FGD6: variants seen among roughly 807,000 people sequenced by gnomAD.
FGD6 encodes the protein FYVE, RhoGEF and PH domain-containing protein 6.
FGD6 carries 90 observed loss-of-function variants against 149.4 expected under a neutral mutation model. The ratio of observed to expected loss-of-function variants is 0.60; its 90% CI spans 0.51 to 0.72. The LOEUF is 0.72. Among genes scored for constraint, FGD6 ranks in the 30% least tolerant of loss-of-function variants. FGD6 has a pLI of 0.00. For synonymous variants in FGD6, 527 were observed against 584.0 expected (o/e 0.90, Z 1.41); for missense variants, 1,437 against 1,684.8 (o/e 0.85, Z 2.57).
intron 8 of FGD6, among the ~76,000 whole-genome samples, chr12:95,132,689 T>C (rs1014969452): frequency 1.3e-5 from 2 of 151,976 alleles, no homozygotes; most frequent in Non-Finnish European, 2.9e-5. Flanking sequence ...GAGGCGGAGT[T>C]TGCAGTGAGC....
rs762397539 is a variant in FGD6, at chr12:95,211,275, G to A, written c.17-8C>T. 1.3e-5 allele frequency: 20 copies of A among 1,532,064 alleles called. No individual in the cohort carries two copies. The highest frequency in any genetic ancestry group is 4.5e-5 in the Admixed American group (2 of 44,344). 94.9% of individuals were successfully genotyped at this position (1,532,064 alleles called of 1,614,324 possible). A position where few individuals can be genotyped will look rare whatever the true frequency, so the allele number is the denominator to read the frequency against. ...CTGGTGGCTTCTTTATCTCTAGAAA[G>A]GAAAAAATAATAATTTGATGTCAAA... On this transcript the variant is annotated splice_polypyrimidine_tract_variant and splice_region_variant and intron_variant, in intron 1 of 20. Transcript: ENST00000343958.
chr12:95,082,468 G>A (rs1877708600), intron 20 of FGD6, among the ~76,000 whole-genome samples: 1 of 151,838 alleles, frequency 6.6e-6, no homozygotes, highest in Admixed American at 6.6e-5. Context: ...GACCAGCCTG[G>A]CCAATATGGT....
intron 3 of FGD6, among the ~76,000 whole-genome samples, chr12:95,158,552 G>A (rs1880546371): frequency 6.6e-6 from 1 of 151,694 alleles, no homozygotes; most frequent in Non-Finnish European, 1.5e-5. Context: ...CACATATCAG[G>A]CACTAAATAA....
At chr12:95,142,522 C>G (rs1416277605) in intron 5 of FGD6, among the ~76,000 whole-genome samples, 1 of 152,184 alleles carries the variant, frequency 6.6e-6, no homozygotes, top group Non-Finnish European at 1.5e-5. Context: ...AAGAAATCCT[C>G]CCACTAGGGC....
rs371612170 is a variant in FGD6 at position 95,092,248 on chromosome 12, A to T, written c.3748-439T>A. Among the ~76,000 whole-genome samples the T allele has an allele frequency of 1.4e-4, 21 of 152,256 alleles. No homozygotes were observed. In the East Asian group the frequency reaches 1.5e-3, roughly 11 times the overall value. On this transcript the variant is annotated intron_variant, in intron 16 of 20. Coordinates refer to ENST00000343958, the MANE Select transcript of FGD6 (RefSeq NM_018351.4). Reference sequence around the variant, plus strand: ...AAATACAACCTCATTTAATTTTTAGAGTGACTCTCTGATGTCACTGTTTCT... The same window carrying T: ...AAATACAACCTCATTTAATTTTTAGTGTGACTCTCTGATGTCACTGTTTCT...
At chr12:95,141,680 C>A in intron 5 of FGD6, 141 bp from the exon 6 acceptor site, 1 of 899,384 alleles carries the variant, frequency 1.1e-6, no homozygotes, top group Non-Finnish European at 1.6e-6. Context: ...CTAAAGTACC[C>A]CCTTCCTCCT....
chr12:95,104,249 C>CA (rs1796799878), intron 14 of FGD6, among the ~76,000 whole-genome samples: 1 of 151,958 alleles, frequency 6.6e-6, no homozygotes, highest in Non-Finnish European at 1.5e-5. Flanking sequence ...AACCTAAGTG[C>CA]AAAAAGTGTT....
At chr12:95,106,893 C>CAACA in intron 13 of FGD6, 61 bp downstream of exon 13, 1 of 1,025,920 alleles carries the variant, frequency 9.7e-7, no homozygotes, top group Non-Finnish European at 1.4e-6. Context: ...GACCCCGTCT[C>CAACA]AAACAAAACA....
intron 8 of FGD6, among the ~76,000 whole-genome samples, chr12:95,130,447 G>C (rs996735858): frequency 6.6e-6 from 1 of 152,052 alleles, no homozygotes; most frequent in Non-Finnish European, 1.5e-5. Context: ...TGTGCATTTG[G>C]AATCAATCCA....
chr12:95,150,104 C>T (rs145971672), intron 5 of FGD6, among the ~76,000 whole-genome samples: 193 of 150,988 alleles, frequency 1.3e-3, no homozygotes, highest in African/African-American at 4.2e-3. Flanking sequence ...CTCGACTCAC[C>T]GCAACCTCTG....
At chr12:95,201,998 AC>A (rs1013589727) in intron 2 of FGD6, among the ~76,000 whole-genome samples, 2 of 130,686 alleles carry the variant, frequency 1.5e-5, no homozygotes, top group Non-Finnish European at 3.2e-5. Flanking sequence ...ACACACACAC[AC>A]ATCTTCTTCT....
At chr12:95,145,141 C>T (rs1475776359) in intron 5 of FGD6, among the ~76,000 whole-genome samples, 1 of 151,868 alleles carries the variant, frequency 6.6e-6, no homozygotes, top group Non-Finnish European at 1.5e-5. Context: ...GTGTGTGCCA[C>T]CACATTTGGC....
At chr12:95,171,781 C>T (rs752807141) in intron 3 of FGD6, among the ~76,000 whole-genome samples, 17 of 152,092 alleles carry the variant, frequency 1.1e-4, no homozygotes, top group Non-Finnish European at 1.8e-4. Flanking sequence ...TCCCAAAGTG[C>T]TGGGATTATA....
In FGD6 at chr12:95,210,508, T is replaced by C. The variant is rs2056720352; in HGVS notation, c.776A>G (p.Asp259Gly). Reference sequence around the variant, plus strand: ...AAAGCAATTATTGCTTTTTTCACTGTCATCCTGGCAAGTTTCAAAATGTTC... The same window carrying C: ...AAAGCAATTATTGCTTTTTTCACTGCCATCCTGGCAAGTTTCAAAATGTTC... Reference protein sequence around the residue: ...ECEHFETCQDDSEKSNNCFQS... With the variant: ...ECEHFETCQDGSEKSNNCFQS... The change falls in exon 2 of 21, where the codon GAC becomes GGC. Residue 259 changes from aspartate to glycine, a missense_variant. Around this residue, in one of 2 missense-constraint regions of FGD6, gnomAD observed 1,055 missense variants for 1,146.0 expected, o/e 0.92. Coordinates refer to ENST00000343958, the MANE Select transcript of FGD6 (RefSeq NM_018351.4). The C allele has an allele frequency of 1.2e-6, 2 of 1,613,904 alleles. No individual in the cohort carries two copies. Among genetic ancestry groups the C allele is most frequent in the African/African-American group, 2.7e-5 (2 of 74,924 alleles).
At chr12:95,127,149 T>G (rs755701966) in intron 8 of FGD6, among the ~76,000 whole-genome samples, 9 of 152,114 alleles carry the variant, frequency 5.9e-5, no homozygotes, top group Non-Finnish European at 1.3e-4. Context: ...AAGTTCTGCC[T>G]TAGAGAAAGT....
chr12:95,115,609 T>C (rs957345923), intron 8 of FGD6, among the ~76,000 whole-genome samples: 2 of 152,150 alleles, frequency 1.3e-5, no homozygotes, highest in African/African-American at 4.8e-5. Context: ...AAACCAATTC[T>C]AATGCCAGTG....
intron 15 of FGD6, among the ~76,000 whole-genome samples, chr12:95,093,176 G>A (rs973450476): frequency 1.3e-5 from 2 of 151,908 alleles, no homozygotes; most frequent in Admixed American, 6.6e-5. Context: ...AGCTGAGATT[G>A]TCCCACTGCA....
rs1160423328 is a variant in FGD6 at position 95,085,876 on chromosome 12, A to G, written c.4011T>C (p.Ser1337=). 10 of 1,611,498 alleles carry G rather than the reference A, an allele frequency of 6.2e-6. No homozygotes were observed. The highest frequency in any genetic ancestry group is 7.6e-6 in the Non-Finnish European group (9 of 1,179,440). ...VSANTEDSSM[S]GYLYRSKGNK... ...TGCCCTTTGATCTGTACAAGTAGCC[A>G]CTCATAGAAGAATCCTCTGTGTTTG... Residue 1337 remains serine, a synonymous_variant, in exon 19 of 21, where the codon AGT becomes AGC. Transcript: ENST00000343958.
At chr12:95,217,171 C>T (rs2056827829) in intron 1 of FGD6, 54 bp downstream of exon 1, 2 of 1,610,026 alleles carry the variant, frequency 1.2e-6, no homozygotes, top group Non-Finnish European at 8.5e-7. Flanking sequence ...CGAGCCCAAG[C>T]CTAGCAGCGC....
Sources: gnomAD v4.1 joint callset for allele counts (sites outside exome capture counted in the v4.1 genomes callset) on GRCh38, gnomAD v4.1.1 for gene constraint, gnomAD v4.1.1 regional missense constraint, MANE v1.5 for transcripts, NCBI Gene and HGNC (gene_info 2026-07-23, HGNC 2026-07-21) for gene names.